The following PDGFA variants were observed in gnomAD, a reference collection of about 807,000 sequenced individuals.
The protein encoded by PDGFA is platelet-derived growth factor subunit A.
In PDGFA, 9 loss-of-function variants were observed where a neutral mutation model predicts 25.6. The ratio of observed to expected loss-of-function variants is 0.35; its 90% CI spans 0.21 to 0.61. The LOEUF is 0.61. Ranked by LOEUF, PDGFA falls within the 20% of genes least tolerant of loss-of-function variation. PDGFA has a pLI of 0.75. For missense variants in PDGFA, 242 were observed against 272.8 expected (o/e 0.89, Z 0.79); for synonymous variants, 133 against 111.8 (o/e 1.19, Z -1.20).
At position 517,386 on chromosome 7, in the gene PDGFA, C is replaced by A; in HGVS notation, c.160+8G>T. The A allele has an allele frequency of 7.5e-7, 1 of 1,340,784 alleles. No individual in the cohort carries two copies. 83.1% of individuals were successfully genotyped at this position (1,340,784 alleles called of 1,614,324 possible). ...TCCCCGCGCGCGGAGGGAAGGGGCG[C>A]GATTTACCTACGGAGTCTATCTCCA... On this transcript the variant is annotated splice_region_variant and intron_variant, in intron 2 of 5. Transcript: ENST00000402802. The surrounding 1 kb of genome is among the most constrained non-coding windows in gnomAD (Gnocchi z 7.4).
chr7:508,012 T>C (rs1010353010), intron 4 of PDGFA, among the ~76,000 whole-genome samples: 5 of 152,122 alleles, frequency 3.3e-5, no homozygotes, highest in Non-Finnish European at 7.4e-5. Context: ...GGTAGTAAGA[T>C]GTGGAATCTG....
chr7:519,731 G>A (rs1016662594), upstream of PDGFA, among the ~76,000 whole-genome samples: 1 of 146,210 alleles, frequency 6.8e-6, no homozygotes, highest in Non-Finnish European at 1.5e-5. Flanking sequence ...CGGGCCTGAG[G>A]GCGGGCGCAA....
rs538573695 is a variant in PDGFA at position 500,985 on chromosome 7, C to T, written c.580+131G>A. On this transcript the variant is annotated intron_variant, in intron 5 of 5. Coordinates refer to ENST00000402802, the Ensembl canonical transcript of PDGFA. This position sits in a 1 kb window ranked among gnomAD's most constrained non-coding sequence, Gnocchi z 5.0. Reference sequence around the variant, plus strand: ...GGCATCTGGCCCGGGAGCAGGGCAACGAATCCTTCAACAGCAGCCCAGATG... The same window carrying T: ...GGCATCTGGCCCGGGAGCAGGGCAATGAATCCTTCAACAGCAGCCCAGATG... 1.1e-5 allele frequency: 18 copies of T among 1,600,770 alleles called. No individual in the cohort carries two copies. Among genetic ancestry groups the T allele is most frequent in the Admixed American group, 5.0e-5 (3 of 59,956 alleles).
chr7:517,214 G>C lies in PDGFA; in HGVS notation c.160+180C>G, dbSNP rs1300951390. Among the ~76,000 whole-genome samples, 5 of 151,486 alleles carry C rather than the reference G, an allele frequency of 3.3e-5. No individual in the cohort carries two copies. Among genetic ancestry groups the C allele is most frequent in the Admixed American group, 6.6e-5 (1 of 15,226 alleles). On this transcript the variant is annotated intron_variant, in intron 2 of 5. Coordinates refer to ENST00000402802, the Ensembl canonical transcript of PDGFA. The surrounding 1 kb of genome is among the most constrained non-coding windows in gnomAD (Gnocchi z 7.4). The stretch of plus-strand genomic sequence containing the variant: ...GCGAGCAGCCCTCGGCCGCCGCTGG[G>C]AGAGAAAGTGGAGACTGGAAGAGAA...
intron 4 of PDGFA, among the ~76,000 whole-genome samples, chr7:508,559 CAAAAA>C (rs766165770): frequency 2.0e-3 from 73 of 35,664 alleles, no homozygotes; most frequent in African/African-American, 5.6e-3. Context: ...GAAGCTGTCC[CAAAAA>C]AAAAAAAAAA....
intron 2 of PDGFA, among the ~76,000 whole-genome samples, chr7:515,799 C>T (rs915500980): frequency 6.6e-6 from 1 of 152,136 alleles, no homozygotes; most frequent in Non-Finnish European, 1.5e-5. Context: ...ACCTAGAAGC[C>T]CCCGGGTGAG....
In PDGFA at chr7:511,007, G is replaced by A. The variant is rs374163873; in HGVS notation, c.266-11C>T. ...CGGGGACAGCTTCCTCTGCAACGGC[G>A]GGGGCACAGTGAGCGGGGACCGGCC... On this transcript the variant is annotated splice_polypyrimidine_tract_variant and intron_variant, in intron 3 of 5. Transcript: ENST00000402802. 1.3e-4 allele frequency: 208 copies of A among 1,608,418 alleles called. No homozygotes were observed. The African/African-American group carries it at 1.9e-3, about 15-fold the overall frequency.
intron 4 of PDGFA, among the ~76,000 whole-genome samples, chr7:502,768 TCACACACA>T (rs71016866): frequency 1.2e-4 from 15 of 126,118 alleles, no homozygotes; most frequent in South Asian, 5.5e-4. Context: ...AGGCAAGAAA[TCACACACA>T]CACACACACA....
rs1275774675 is a variant in PDGFA, at chr7:508,590, T to TAAAAAAAAAACC, written c.453+2218_453+2219insGGTTTTTTTTTT. Among the ~76,000 whole-genome samples, 42 of 130,890 alleles carry TAAAAAAAAAACC rather than the reference T, an allele frequency of 3.2e-4. 1 individual carries two copies. Among genetic ancestry groups the TAAAAAAAAAACC allele is most frequent in the Non-Finnish European group, 5.4e-4 (34 of 63,206 alleles). The allele number at this position is 130,890 out of a possible 152,430, so 85.9% of individuals were successfully genotyped here. ...AAAAAAAAAAAAAAAAAAAAAAAAT[T>TAAAAAAAAAACC]CTCAGCTGAGGCCAAGCCAGGAGGC... is the stretch of plus-strand genomic sequence containing the variant. On this transcript the variant is annotated intron_variant, in intron 4 of 5. Transcript: ENST00000402802.
chr7:506,461 G>A (rs958626642), intron 4 of PDGFA, among the ~76,000 whole-genome samples: 2 of 151,778 alleles, frequency 1.3e-5, no homozygotes, highest in African/African-American at 2.4e-5. Flanking sequence ...GGACAGAGTC[G>A]TGGCTGGGAG....
At chr7:512,604 G>T (rs1782906755) in intron 2 of PDGFA, 149 bp from the exon 3 acceptor site, 2 of 1,542,644 alleles carry the variant, frequency 1.3e-6, no homozygotes, top group Admixed American at 2.0e-5. Context: ...CGCCATTAGG[G>T]GCCCTCCAGG....
chr7:505,525 C>T (rs943972590), intron 4 of PDGFA, among the ~76,000 whole-genome samples: 1 of 152,178 alleles, frequency 6.6e-6, no homozygotes, highest in Admixed American at 6.5e-5. Flanking sequence ...CTGCGGGGGA[C>T]CCCACCCCAA....
Position 500,396 on chromosome 7 carries a change from C to T in PDGFA, c.580+720G>A. On this transcript the variant is annotated intron_variant, in intron 5 of 5. Transcript: ENST00000402802. The surrounding 1 kb of genome is among the most constrained non-coding windows in gnomAD (Gnocchi z 5.0). ...GATCAGTCAGTTGCACCTCCCCGCCCTGCAGGACTCAGTGTGTCCGGCAGA... is the reference window on the plus strand; with the variant it reads ...GATCAGTCAGTTGCACCTCCCCGCCTTGCAGGACTCAGTGTGTCCGGCAGA... 1.9e-6 allele frequency: 3 copies of T among 1,609,928 alleles called. No homozygotes were observed. Among genetic ancestry groups the T allele is most frequent in the Non-Finnish European group, 2.6e-6 (3 of 1,176,186 alleles).
intron 4 of PDGFA, among the ~76,000 whole-genome samples, chr7:508,163 G>T (rs9690350): frequency 6.6e-6 from 1 of 151,784 alleles, no homozygotes; most frequent in East Asian, 1.9e-4. Flanking sequence ...CCTTCTCCCC[G>T]CCGCCCCATC....
At chr7:504,000 C>A (rs1782459386) in intron 4 of PDGFA, among the ~76,000 whole-genome samples, 1 of 152,172 alleles carries the variant, frequency 6.6e-6, no homozygotes, top group African/African-American at 2.4e-5. Context: ...AGGACAGAAT[C>A]CTCCAGAGAG....
At chr7:516,151 A>G (rs1783088582) in intron 2 of PDGFA, among the ~76,000 whole-genome samples, 1 of 143,788 alleles carries the variant, frequency 7.0e-6, no homozygotes, top group Admixed American at 7.3e-5. Flanking sequence ...CCACTGAGGG[A>G]TCCGGTCAAA....
intron 4 of PDGFA, among the ~76,000 whole-genome samples, chr7:503,560 G>A (rs1051693578): frequency 1.8e-4 from 28 of 152,182 alleles, no homozygotes; most frequent in Non-Finnish European, 5.9e-5. Flanking sequence ...AACCTTCTTG[G>A]GGGGAAGGGG....
exon 6 of PDGFA, chr7:497,951 A>AAC (rs1782141429): frequency 2.6e-5 from 3 of 115,242 alleles, no homozygotes; most frequent in Non-Finnish European, 3.7e-5. Flanking sequence ...AAAAAAAAAA[A>AAC]AAAAAAACAA....
At position 500,512 on chromosome 7, in the gene PDGFA, G is replaced by A. The variant is rs1211324403; in HGVS notation, c.580+604C>T. On this transcript the variant is annotated intron_variant, in intron 5 of 5. Transcript: ENST00000402802. This position sits in a 1 kb window ranked among gnomAD's most constrained non-coding sequence, Gnocchi z 5.0. ...TCCCTAGGCCTTCCTGTTAACAAAA[G>A]GGCAGGGCGGTGAGTGGGCCGAGGG... 6.2e-7 allele frequency: 1 copy of A among 1,613,940 alleles called. No homozygotes were observed. Among genetic ancestry groups the A allele is most frequent in the Admixed American group, 1.7e-5 (1 of 60,024 alleles).
Sources: gnomAD v4.1 joint callset for allele counts (sites outside exome capture counted in the v4.1 genomes callset) on GRCh38, gnomAD v4.1.1 for gene constraint, Gnocchi (gnomAD v3.1) non-coding constraint, MANE v1.5 for transcripts, NCBI Gene and HGNC (gene_info 2026-07-23, HGNC 2026-07-21) for gene names.